UGP2: variants seen among roughly 807,000 people sequenced by gnomAD.
The protein encoded by UGP2 is UDP-glucose pyrophosphorylase 2.
UGP2 carries 40 observed loss-of-function variants against 49.0 expected under a neutral mutation model. The observed-to-expected ratio is 0.82, with a 90% CI of 0.63 to 1.06. The LOEUF is 1.06. Among genes scored for constraint, UGP2 ranks in the 50% least tolerant of loss-of-function variants. UGP2 has a pLI of 0.00. For synonymous variants in UGP2, 225 were observed against 213.0 expected (o/e 1.06, Z -0.49); for missense variants, 460 against 603.5 (o/e 0.76, Z 2.49).
intron 1 of UGP2, among the ~76,000 whole-genome samples, chr2:63,853,056 G>A (rs995351126): frequency 6.6e-6 from 1 of 152,074 alleles, no homozygotes; most frequent in African/African-American, 2.4e-5. Flanking sequence ...AAGGAGAGTG[G>A]CATGAGAATT....
chr2:63,842,693 C>T, intron 1 of UGP2: 4 of 1,208,766 alleles, frequency 3.3e-6, no homozygotes, highest in South Asian at 4.2e-5. Flanking sequence ...TCACTTATTG[C>T]GAAACTGGGA....
intron 7 of UGP2, among the ~76,000 whole-genome samples, 161 bp from the exon 8 acceptor site, chr2:63,887,241 G>C (rs1420549116): frequency 1.3e-5 from 2 of 151,458 alleles, no homozygotes; most frequent in African/African-American, 4.9e-5. Context: ...CTCCAGCCTG[G>C]GTGACAGATC....
At chr2:63,848,452 C>T (rs1575800929) in intron 1 of UGP2, among the ~76,000 whole-genome samples, 1 of 152,324 alleles carries the variant, frequency 6.6e-6, no homozygotes, top group East Asian at 1.9e-4. Flanking sequence ...CAACCTCCGC[C>T]TCCCAGGTTC....
Position 63,883,976 on chromosome 2 carries a change from A to G in UGP2, c.458A>G (p.Tyr153Cys), listed in dbSNP as rs1157042062. 1.9e-6 allele frequency: 3 copies of G among 1,609,734 alleles called. No homozygotes were observed. Among genetic ancestry groups the G allele is most frequent in the East Asian group, 4.5e-5 (2 of 44,756 alleles). The change falls in exon 5 of 10, where the codon TAC becomes TGC. Residue 153 changes from tyrosine to cysteine, a missense_variant. This residue lies in a region of UGP2 where 317 missense variants were observed against 473.0 expected (regional missense o/e 0.67). Transcript: ENST00000337130. ...VQQIEHLNKT[Y>C]NTDVPLVLMN... ...CCTCCCTAGCATTTGAATAAAACCT[A>G]CAATACAGATGTTCCTCTTGTTTTA...
At chr2:63,865,836 TG>T (rs1670151500) in intron 3 of UGP2, among the ~76,000 whole-genome samples, 1 of 152,090 alleles carries the variant, frequency 6.6e-6, no homozygotes, top group East Asian at 1.9e-4. Context: ...CACCTGGCCT[TG>T]GGTCTACTTT....
At chr2:63,859,664 A>T (rs1274043589) in intron 3 of UGP2, among the ~76,000 whole-genome samples, 6 of 152,206 alleles carry the variant, frequency 3.9e-5, no homozygotes, top group African/African-American at 1.4e-4. Context: ...TACAGAATTG[A>T]TATAGGACAA....
chr2:63,857,057 T>G (rs998619033), intron 2 of UGP2, among the ~76,000 whole-genome samples: 1 of 152,150 alleles, frequency 6.6e-6, no homozygotes, highest in Admixed American at 6.5e-5. Flanking sequence ...CCCAGCACTT[T>G]GGGAGACCAA....
chr2:63,861,005 A>C (rs1272679672), intron 3 of UGP2, among the ~76,000 whole-genome samples: 2 of 151,982 alleles, frequency 1.3e-5, no homozygotes, highest in Non-Finnish European at 2.9e-5. Context: ...GAGTACATAG[A>C]TGTTTTGTGA....
At chr2:63,868,572 T>G (rs552754265) in intron 3 of UGP2, among the ~76,000 whole-genome samples, 19 of 152,362 alleles carry the variant, frequency 1.2e-4, no homozygotes, top group African/African-American at 4.6e-4. Context: ...ACTTTGCATT[T>G]CTGAATTTTC....
At chr2:63,863,510 G>C (rs1669987062) in intron 3 of UGP2, among the ~76,000 whole-genome samples, 1 of 152,132 alleles carries the variant, frequency 6.6e-6, no homozygotes, top group Non-Finnish European at 1.5e-5. Context: ...ATGAGTTTGA[G>C]AGGCAAATAT....
At chr2:63,889,462 A>G (rs1237924818) in intron 8 of UGP2, 1 of 152,264 alleles carries the variant, frequency 6.6e-6, no homozygotes, top group Non-Finnish European at 1.5e-5. Flanking sequence ...GAAGCAGTCC[A>G]ATTCCAGTAC....
intron 1 of UGP2, among the ~76,000 whole-genome samples, chr2:63,851,458 A>G (rs1217917784): frequency 1.3e-5 from 2 of 152,358 alleles, no homozygotes; most frequent in East Asian, 3.9e-4. Context: ...AATGTTCAGA[A>G]GCCACTGCTT....
rs1672160764 is a variant in UGP2 at position 63,891,518 on chromosome 2, A to AT, written c.*291_*292insT. ...TTTAACAGAAGCCTCAATGATGATCACTTTGAATTGCTTGTGATTTCAAAA... is the reference window on the plus strand; with the variant it reads ...TTTAACAGAAGCCTCAATGATGATCATCTTTGAATTGCTTGTGATTTCAAAA... On this transcript the variant is annotated 3_prime_UTR_variant, in exon 10 of 10. Transcript: ENST00000337130. 1 of 222,350 alleles carries AT rather than the reference A, an allele frequency of 4.5e-6. No individual in the cohort carries two copies. The highest frequency in any genetic ancestry group is 5.6e-5 in the Admixed American group (1 of 17,740). 13.8% of individuals were successfully genotyped at this position (222,350 alleles called of 1,614,324 possible). A position where few individuals can be genotyped will look rare whatever the true frequency, so the allele number is the denominator to read the frequency against.
intron 2 of UGP2, chr2:63,857,015 A>G: frequency 2.8e-6 from 1 of 361,710 alleles, no homozygotes; most frequent in Middle Eastern, 1.0e-3. Flanking sequence ...AAGTAAGTGT[A>G]GCGGCCAGGC....
chr2:63,842,329 T>C (rs554221114), intron 1 of UGP2, 125 bp downstream of exon 1: 52 of 1,605,474 alleles, frequency 3.2e-5, no homozygotes, highest in Middle Eastern at 3.3e-4. Flanking sequence ...GAAACCCTTT[T>C]CGTTGAATTG....
At chr2:63,867,924 A>C (rs1670288023) in intron 3 of UGP2, among the ~76,000 whole-genome samples, 1 of 152,214 alleles carries the variant, frequency 6.6e-6, no homozygotes, top group Non-Finnish European at 1.5e-5. Flanking sequence ...TCAGGATTGC[A>C]GGAGGCCTCT....
chr2:63,878,021 AAAAAAAAAG>A (rs1441095256), intron 3 of UGP2, among the ~76,000 whole-genome samples: 2 of 148,798 alleles, frequency 1.3e-5, no homozygotes, highest in African/African-American at 2.5e-5. Context: ...AAAAAAAAAA[AAAAAAAAAG>A]AAGTCTGCAT....
intron 3 of UGP2, chr2:63,862,828 C>G (rs1669942201): frequency 2.2e-6 from 1 of 455,290 alleles, no homozygotes; most frequent in Non-Finnish European, 4.4e-6. Flanking sequence ...TCTGAAACTT[C>G]TTTTGCCCAC....
chr2:63,858,138 GAGGTCCTCTAAC>G (rs984633998), intron 3 of UGP2, among the ~76,000 whole-genome samples: 2 of 152,156 alleles, frequency 1.3e-5, no homozygotes, highest in Admixed American at 1.3e-4. Flanking sequence ...GAGTCTTGCT[GAGGTCCTCTAAC>G]AGTCTGATCT....
Sources: gnomAD v4.1 joint callset for allele counts (sites outside exome capture counted in the v4.1 genomes callset) on GRCh38, gnomAD v4.1.1 for gene constraint, gnomAD v4.1.1 regional missense constraint, MANE v1.5 for transcripts, NCBI Gene and HGNC (gene_info 2026-07-23, HGNC 2026-07-21) for gene names.